The following ANKRD30BL variants were observed in gnomAD, a reference collection of about 807,000 sequenced individuals.
ANKRD30BL encodes the protein putative ankyrin repeat domain-containing protein 30B-like.
Under a neutral mutation model 18.4 loss-of-function variants are expected in ANKRD30BL, and 20 were observed. That is an observed-to-expected ratio of 1.09 (90% CI 0.77 to 1.58). ANKRD30BL has a LOEUF of 1.58. ANKRD30BL is among the 40% of genes most tolerant of loss of function. ANKRD30BL has a pLI of 0.00. For missense variants in ANKRD30BL, 224 were observed against 268.6 expected (o/e 0.83, Z 1.16); for synonymous variants, 72 against 100.9 (o/e 0.71, Z 1.72).
intron 1 of ANKRD30BL, among the ~76,000 whole-genome samples, chr2:132,221,517 G>A (rs1679682218): frequency 7.6e-6 from 1 of 131,922 alleles, no homozygotes; most frequent in Non-Finnish European, 1.6e-5. Flanking sequence ...CCCTCTGCCT[G>A]GCCAGCCACC....
At chr2:132,230,766 C>T (rs1429247057) in intron 1 of ANKRD30BL, among the ~76,000 whole-genome samples, 2 of 152,126 alleles carry the variant, frequency 1.3e-5, no homozygotes, top group Non-Finnish European at 2.9e-5. Flanking sequence ...TTAGAATCTG[C>T]ACGTGGACAT....
At chr2:132,250,471 A>G (rs1202370924) in intron 1 of ANKRD30BL, among the ~76,000 whole-genome samples, 7 of 152,236 alleles carry the variant, frequency 4.6e-5, no homozygotes, top group Admixed American at 2.6e-4. Flanking sequence ...TGCAGCACAC[A>G]TGTGTTATCC....
chr2:132,237,113 T>C (rs1330910282), intron 1 of ANKRD30BL, among the ~76,000 whole-genome samples: 2 of 149,626 alleles, frequency 1.3e-5, no homozygotes, highest in Non-Finnish European at 3.0e-5. Flanking sequence ...CATCATACTC[T>C]GGGGAATGTT....
intron 1 of ANKRD30BL, among the ~76,000 whole-genome samples, chr2:132,203,190 CA>C (rs1421683143): frequency 6.6e-6 from 1 of 152,302 alleles, no homozygotes; most frequent in Non-Finnish European, 1.5e-5. Flanking sequence ...CTGCAAAAGA[CA>C]TAGTGTGCCA....
intron 1 of ANKRD30BL, among the ~76,000 whole-genome samples, chr2:132,179,872 A>ATT (rs1688432442): frequency 6.6e-5 from 10 of 152,192 alleles, no homozygotes; most frequent in Admixed American, 5.2e-4. Flanking sequence ...ACAAAAATTA[A>ATT]AAATTGGAAA....
rs537386399 is a variant in ANKRD30BL at position 132,159,649 on chromosome 2, C to T, written c.218+1839G>A. Among the ~76,000 whole-genome samples the T allele has an allele frequency of 5.7e-4, 87 of 152,146 alleles. 1 individual carries two copies. The South Asian group carries it at 0.015, about 26-fold the overall frequency. On this transcript the variant is annotated intron_variant, in intron 1 of 5. Coordinates refer to ENST00000409867, the MANE Select transcript of ANKRD30BL (RefSeq NM_001358416.1). Reference sequence around the variant, plus strand: ...TTTAAGTGAATTATCTATAAAATGACGATTTAAAAATCTAATATGTATACA... The same window carrying T: ...TTTAAGTGAATTATCTATAAAATGATGATTTAAAAATCTAATATGTATACA...
chr2:132,211,393 T>C (rs938724853), intron 1 of ANKRD30BL, among the ~76,000 whole-genome samples: 2 of 151,658 alleles, frequency 1.3e-5, no homozygotes, highest in Non-Finnish European at 2.9e-5. Context: ...AAAGGAAATA[T>C]TTTCACGTAA....
chr2:132,194,321 G>C (rs886258764), intron 1 of ANKRD30BL, among the ~76,000 whole-genome samples: 2 of 152,086 alleles, frequency 1.3e-5, no homozygotes, highest in African/African-American at 4.8e-5. Flanking sequence ...AGGAGGTGGG[G>C]GTAATGGATT....
At chr2:132,171,228 A>G (rs1337987160) in intron 1 of ANKRD30BL, among the ~76,000 whole-genome samples, 1 of 152,050 alleles carries the variant, frequency 6.6e-6, no homozygotes, top group African/African-American at 2.4e-5. Flanking sequence ...ATGGATTAGC[A>G]CTAACAGAGG....
chr2:132,154,925 C>T, intron 3 of ANKRD30BL, 157 bp from the exon 4 acceptor site: 1 of 472,106 alleles, frequency 2.1e-6, no homozygotes, highest in Non-Finnish European at 3.9e-6. Context: ...TGCACTGCAC[C>T]TTCTCTTGTA....
chr2:132,237,722 C>G (rs1385699073), intron 1 of ANKRD30BL, among the ~76,000 whole-genome samples: 1 of 151,940 alleles, frequency 6.6e-6, no homozygotes, highest in African/African-American at 2.4e-5. Context: ...TTGAAACACT[C>G]TTTTTGTAGA....
chr2:132,153,153 C>A (rs940523994), intron 4 of ANKRD30BL, among the ~76,000 whole-genome samples: 3 of 151,952 alleles, frequency 2.0e-5, no homozygotes, highest in African/African-American at 7.3e-5. Flanking sequence ...CCATTTCTGC[C>A]CCCACCGCCA....
intron 1 of ANKRD30BL, among the ~76,000 whole-genome samples, chr2:132,197,702 T>C (rs1169341902): frequency 2.0e-5 from 3 of 151,888 alleles, no homozygotes; most frequent in Non-Finnish European, 4.4e-5. Flanking sequence ...TTTCTTCTTA[T>C]AGTAATTTTA....
Position 132,232,656 on chromosome 2 carries a change from G to A in ANKRD30BL, n.441+24873C>T, listed in dbSNP as rs202221468. Among the ~76,000 whole-genome samples the A allele has an allele frequency of 2.6e-5, 4 of 152,152 alleles. No individual in the cohort carries two copies. The South Asian group carries it at 6.2e-4, about 24-fold the overall frequency. ...GAGAAAAAAGAATAAAAAGAAATGAGCAAAGCCTCCAAGAAATATGGGACT... is the reference window on the plus strand; with the variant it reads ...GAGAAAAAAGAATAAAAAGAAATGAACAAAGCCTCCAAGAAATATGGGACT... On this transcript the variant is annotated intron_variant and non_coding_transcript_variant, in intron 1 of 4. Transcript: ENST00000470729.
intron 1 of ANKRD30BL, among the ~76,000 whole-genome samples, chr2:132,223,784 G>A (rs971846282): frequency 1.3e-5 from 2 of 152,106 alleles, no homozygotes; most frequent in Non-Finnish European, 2.9e-5. Context: ...CAGTGGAAAA[G>A]GAAATATCTT....
chr2:132,249,347 G>T (rs1005650373), intron 1 of ANKRD30BL, among the ~76,000 whole-genome samples: 1 of 151,974 alleles, frequency 6.6e-6, no homozygotes, highest in African/African-American at 2.4e-5. Context: ...ATATCCATTT[G>T]CAGATTCTAC....
intron 1 of ANKRD30BL, among the ~76,000 whole-genome samples, chr2:132,208,568 T>C (rs951152672): frequency 6.6e-6 from 1 of 152,126 alleles, no homozygotes; most frequent in Non-Finnish European, 1.5e-5. Context: ...GTTATACTTC[T>C]ACAGCTAAAT....
intron 1 of ANKRD30BL, among the ~76,000 whole-genome samples, chr2:132,229,044 C>T (rs1360987939): frequency 6.6e-6 from 1 of 151,606 alleles, no homozygotes; most frequent in Non-Finnish European, 1.5e-5. Flanking sequence ...TTTAAAGCTC[C>T]CTTTTTGTAT....
intron 1 of ANKRD30BL, among the ~76,000 whole-genome samples, chr2:132,187,262 C>T (rs1479109223): frequency 1.5e-5 from 2 of 132,852 alleles, no homozygotes; most frequent in Admixed American, 8.7e-5. Context: ...GGCGTGATCT[C>T]GGCTTGCTGT....
Sources: gnomAD v4.1 joint callset for allele counts (sites outside exome capture counted in the v4.1 genomes callset) on GRCh38, gnomAD v4.1.1 for gene constraint, MANE v1.5 for transcripts, NCBI Gene and HGNC (gene_info 2026-07-23, HGNC 2026-07-21) for gene names.